The following ASIC5 variants were observed in gnomAD, a reference collection of about 807,000 sequenced individuals.
ASIC5 encodes bile acid-sensitive ion channel.
In ASIC5, 52 loss-of-function variants were observed where a neutral mutation model predicts 51.2. That is an observed-to-expected ratio of 1.02 (90% CI 0.81 to 1.28). The LOEUF (loss-of-function observed/expected upper bound fraction) is 1.28. ASIC5 is among the 50% of genes most tolerant of loss of function. ASIC5 has a pLI of 0.00. For synonymous variants in ASIC5, 231 were observed against 200.7 expected (o/e 1.15, Z -1.28); for missense variants, 635 against 595.0 (o/e 1.07, Z -0.70).
At chr4:155,852,727 C>T (rs945504471) in intron 3 of ASIC5, among the ~76,000 whole-genome samples, 1 of 151,844 alleles carries the variant, frequency 6.6e-6, no homozygotes, top group African/African-American at 2.4e-5. Context: ...CTCCTTTTAC[C>T]CTCCTTTTCC....
Position 155,843,677 on chromosome 4 carries a change from T to C in ASIC5, c.861+4A>G, listed in dbSNP as rs750472434. The C allele has an allele frequency of 6.2e-7, 1 of 1,613,196 alleles. No individual in the cohort carries two copies. The highest frequency in any genetic ancestry group is 8.5e-7 in the Non-Finnish European group (1 of 1,179,504). On this transcript the variant is annotated splice_donor_region_variant and intron_variant, in intron 5 of 9. Coordinates refer to ENST00000537611, the MANE Select transcript of ASIC5 (RefSeq NM_017419.3). ...ACCTAATTTCCTCAGACTCGAGTAT[T>C]TACCTTCACTTGGCGGATGGTTACC...
chr4:155,841,734 C>T (rs1741125210), intron 6 of ASIC5, among the ~76,000 whole-genome samples: 1 of 152,080 alleles, frequency 6.6e-6, no homozygotes, highest in Non-Finnish European at 1.5e-5. Flanking sequence ...ATATTTGAGA[C>T]CATCAAATTT....
At chr4:155,858,397 T>A (rs1741602083) in intron 2 of ASIC5, among the ~76,000 whole-genome samples, 1 of 152,120 alleles carries the variant, frequency 6.6e-6, no homozygotes, top group Non-Finnish European at 1.5e-5. Flanking sequence ...ATGGCTGTGC[T>A]ATGGAACATC....
rs191472434 is a variant in ASIC5, at chr4:155,830,186, G to C, written c.1328-140C>G. The stretch of plus-strand genomic sequence containing the variant: ...ATTTTATTATTTTAACATTTGATAT[G>C]AATAAGGTAATAGCAATTGGTAATA... On this transcript the variant is annotated intron_variant, in intron 9 of 9. Transcript: ENST00000537611. 8.8e-4 allele frequency: 507 copies of C among 574,132 alleles called. 4 individuals are homozygous for C. The East Asian group carries it at 0.016, about 18-fold the overall frequency. The allele number at this position is 574,132 out of a possible 1,614,324, so 35.6% of individuals were successfully genotyped here. A position where few individuals can be genotyped will look rare whatever the true frequency, so the allele number is the denominator to read the frequency against.
chr4:155,838,130 AT>A (rs1741029311), intron 7 of ASIC5, among the ~76,000 whole-genome samples: 2 of 152,242 alleles, frequency 1.3e-5, no homozygotes, highest in Non-Finnish European at 2.9e-5. Context: ...CCCTGGAGAT[AT>A]TTCCACAATG....
Position 155,832,155 on chromosome 4 carries a change from A to G in ASIC5, c.1236-240T>C, listed in dbSNP as rs181014770. Among the ~76,000 whole-genome samples the G allele has an allele frequency of 4.4e-3, 665 of 152,360 alleles. 4 individuals are homozygous for G. The highest frequency in any genetic ancestry group is 0.015 in the African/African-American group (640 of 41,578). ...CTCATTCCTGAGAAACTAGAAAAAG[A>G]CATTAAATGTAAATATCTACTGAAT... On this transcript the variant is annotated intron_variant, in intron 8 of 9. Transcript: ENST00000537611.
At chr4:155,838,939 A>G (rs1291346075) in intron 6 of ASIC5, 70 bp from the exon 7 acceptor site, 2 of 776,172 alleles carry the variant, frequency 2.6e-6, no homozygotes, top group Middle Eastern at 2.6e-4. Context: ...TGACAAAAAT[A>G]CCTTTCTTAC....
chr4:155,830,616 A>G (rs1045407005), intron 9 of ASIC5, among the ~76,000 whole-genome samples: 1 of 152,200 alleles, frequency 6.6e-6, no homozygotes, highest in African/African-American at 2.4e-5. Context: ...TTACCATGTT[A>G]ACCATTTTTA....
At chr4:155,854,000 C>T (rs766898059) in intron 3 of ASIC5, 77 bp downstream of exon 3, 425 of 1,092,934 alleles carry the variant, frequency 3.9e-4, no homozygotes, top group Non-Finnish European at 5.0e-4. Flanking sequence ...GAGTAAATGC[C>T]GTGGGAGCTC....
In ASIC5 at chr4:155,832,867, T is replaced by C. The variant is rs528966943; in HGVS notation, c.1236-952A>G. On this transcript the variant is annotated intron_variant, in intron 8 of 9. Transcript: ENST00000537611. ...ATTTTTGCAATAGCTTGCTAACTGG[T>C]CTTTCTGTTTCCAACTTTAGTGCAC... Among the ~76,000 whole-genome samples, 64 of 152,186 alleles carry C rather than the reference T, an allele frequency of 4.2e-4. 1 individual carries two copies. The highest frequency in any genetic ancestry group is 3.5e-3 in the Admixed American group (54 of 15,288).
intron 6 of ASIC5, among the ~76,000 whole-genome samples, chr4:155,839,382 C>T (rs1455064939): frequency 7.3e-6 from 1 of 136,826 alleles, no homozygotes; most frequent in East Asian, 2.2e-4. Context: ...CACACACACA[C>T]ACGTTCCTGA....
intron 8 of ASIC5, among the ~76,000 whole-genome samples, chr4:155,835,144 G>A (rs567643147): frequency 1.1e-4 from 16 of 152,276 alleles, no homozygotes; most frequent in African/African-American, 3.1e-4. Context: ...ATAAGGCAGA[G>A]GGTCCATTGA....
chr4:155,832,895 C>T (rs138556124), intron 8 of ASIC5, among the ~76,000 whole-genome samples: 45 of 152,202 alleles, frequency 3.0e-4, no homozygotes, highest in African/African-American at 1.1e-3. Flanking sequence ...TAGTGCACCC[C>T]ACTTCAACAA....
At chr4:155,838,714 G>A in intron 7 of ASIC5, 99 bp downstream of exon 7, 2 of 711,444 alleles carry the variant, frequency 2.8e-6, no homozygotes, top group Non-Finnish European at 4.8e-6. Flanking sequence ...ACTATATTCT[G>A]TTTAATTTCT....
chr4:155,866,129 CT>C, intron 1 of ASIC5, 57 bp downstream of exon 1: 1 of 1,118,712 alleles, frequency 8.9e-7, no homozygotes, highest in South Asian at 1.5e-5. Context: ...TCTTTTCTTA[CT>C]TCTGGCCTCT....
At chr4:155,863,849 AG>A in intron 1 of ASIC5, 95 bp from the exon 2 acceptor site, 6 of 996,166 alleles carry the variant, frequency 6.0e-6, no homozygotes, top group Non-Finnish European at 7.3e-6. Context: ...TAATTTAAAG[AG>A]GTGACTCTTT....
Position 155,852,095 on chromosome 4 carries a change from TG to T in ASIC5, c.711+95del, listed in dbSNP as rs576264567. 1.6e-4 allele frequency: 213 copies of T among 1,310,624 alleles called. 1 individual carries two copies. In the African/African-American group the frequency reaches 2.7e-3, roughly 16 times the overall value. The allele number at this position is 1,310,624 out of a possible 1,614,324, so 81.2% of individuals were successfully genotyped here. ...TAACAAAAACTGAAATAATATCCAATGTGTGGGAACTATCTGATATGGCCCA... is the reference window on the plus strand; with the variant it reads ...TAACAAAAACTGAAATAATATCCAATTGTGGGAACTATCTGATATGGCCCA... On this transcript the variant is annotated intron_variant, in intron 4 of 9. Coordinates refer to ENST00000537611, the MANE Select transcript of ASIC5 (RefSeq NM_017419.3).
chr4:155,848,618 T>G (rs767713721), intron 4 of ASIC5, among the ~76,000 whole-genome samples: 1 of 152,080 alleles, frequency 6.6e-6, no homozygotes, highest in African/African-American at 2.4e-5. Flanking sequence ...TAAAACCTTT[T>G]TTCATCCAAG....
intron 2 of ASIC5, among the ~76,000 whole-genome samples, chr4:155,857,934 G>C (rs1741587416): frequency 6.6e-6 from 1 of 151,894 alleles, no homozygotes; most frequent in Non-Finnish European, 1.5e-5. Context: ...ATTTTTTCTT[G>C]CATCAAACAA....
Sources: gnomAD v4.1 joint callset for allele counts (sites outside exome capture counted in the v4.1 genomes callset) on GRCh38, gnomAD v4.1.1 for gene constraint, MANE v1.5 for transcripts, NCBI Gene and HGNC (gene_info 2026-07-23, HGNC 2026-07-21) for gene names.